The following CAPN13 variants were observed in gnomAD, a reference collection of about 807,000 sequenced individuals.
CAPN13 encodes calpain-13.
A neutral mutation model predicts 98.4 loss-of-function variants in CAPN13; 90 were observed. That is an observed-to-expected ratio of 0.92 (90% confidence interval 0.77 to 1.09). CAPN13 has a LOEUF of 1.09. Ranked by LOEUF, CAPN13 falls within the 50% of genes least tolerant of loss-of-function variation. The pLI is 0.00. For missense variants in CAPN13, 887 were observed against 841.3 expected (o/e 1.05, Z -0.67); for synonymous variants, 330 against 305.5 (o/e 1.08, Z -0.84).
chr2:30,756,361 A>G (rs1273483131), intron 8 of CAPN13, among the ~76,000 whole-genome samples: 2 of 152,034 alleles, frequency 1.3e-5, no homozygotes, highest in Admixed American at 1.3e-4. Flanking sequence ...GAAGTGAGTC[A>G]TACTTCCTCT....
Position 30,758,130 on chromosome 2 carries a change from T to C in CAPN13, c.782A>G (p.Tyr261Cys). The C allele has an allele frequency of 1.3e-6, 2 of 1,599,858 alleles. No homozygotes were observed. Among genetic ancestry groups the C allele is most frequent in the Admixed American group, 3.5e-5 (2 of 57,964 alleles). ...GATAATTTCTTCCCAGCCCCTTCGG[T>C]ATTGAATCTGTAAAGAAAACAGAAA... Reference protein sequence around the residue: ...YTVTGAEQIQYRRGWEEIISL... With the variant: ...YTVTGAEQIQCRRGWEEIISL... The change falls in exon 8 of 23, where the codon TAC (tyrosine) becomes TGC (cysteine). Residue 261 changes from tyrosine to cysteine, a missense_variant. Coordinates refer to ENST00000295055, the MANE Select transcript of CAPN13 (RefSeq NM_144575.3).
At chr2:30,801,604 T>TCAA (rs1342488498) in intron 1 of CAPN13, among the ~76,000 whole-genome samples, 4 of 80,018 alleles carry the variant, frequency 5.0e-5, no homozygotes, top group African/African-American at 1.7e-4. Flanking sequence ...GACTCAGTCT[T>TCAA]AAAAAAAAAA....
chr2:30,778,796 C>T lies in CAPN13; in HGVS notation c.199-1157G>A, dbSNP rs78613196. 3.4e-3 allele frequency among the ~76,000 whole-genome samples: 511 copies of T among 152,258 alleles called. 7 individuals carry two copies. Among genetic ancestry groups the T allele is most frequent in the East Asian group, 0.03 (157 of 5,158 alleles). ...ACAACTAACTGACCCCGTCACATGCCGGGAGGGGAACTCTCAGGCCCAGGC... is the reference window on the plus strand; with the variant it reads ...ACAACTAACTGACCCCGTCACATGCTGGGAGGGGAACTCTCAGGCCCAGGC... On this transcript the variant is annotated intron_variant, in intron 2 of 22. Transcript: ENST00000295055.
chr2:30,736,683 T>C (rs1246814432), intron 17 of CAPN13, 112 bp from the exon 18 acceptor site: 2 of 932,542 alleles, frequency 2.1e-6, no homozygotes, highest in South Asian at 1.4e-5. Flanking sequence ...AGCTGGTCCA[T>C]TGTCACCTGG....
chr2:30,806,374 A>G (rs1675624178), intron 1 of CAPN13: 1 of 151,546 alleles, frequency 6.6e-6, no homozygotes. Flanking sequence ...AAGCCTCCCT[A>G]CAGCTGTCAC....
intron 1 of CAPN13, among the ~76,000 whole-genome samples, chr2:30,788,437 C>T (rs377720016): frequency 1.3e-5 from 2 of 152,172 alleles, no homozygotes; most frequent in African/African-American, 4.8e-5. Context: ...AAATGTACCA[C>T]GTCCTCCATC....
intron 11 of CAPN13, among the ~76,000 whole-genome samples, chr2:30,747,576 A>G (rs964063470): frequency 2.0e-5 from 3 of 152,290 alleles, no homozygotes; most frequent in South Asian, 2.1e-4. Flanking sequence ...CTGCCTATTC[A>G]TATCCCATCA....
chr2:30,748,165 A>G (rs904933952), intron 11 of CAPN13, among the ~76,000 whole-genome samples: 1 of 152,178 alleles, frequency 6.6e-6, no homozygotes, highest in African/African-American at 2.4e-5. Context: ...TGTTTCTAGT[A>G]GGCCTCTTTG....
At chr2:30,744,739 G>A (rs1021777466) in intron 12 of CAPN13, among the ~76,000 whole-genome samples, 1 of 152,164 alleles carries the variant, frequency 6.6e-6, no homozygotes, top group Non-Finnish European at 1.5e-5. Flanking sequence ...CAACGTGGGG[G>A]TTCTTGGTCA....
intron 4 of CAPN13, among the ~76,000 whole-genome samples, chr2:30,773,247 T>G (rs1271290120): frequency 6.6e-6 from 1 of 152,212 alleles, no homozygotes; most frequent in Admixed American, 6.5e-5. Context: ...GAAACAATGT[T>G]TACAGACTTT....
chr2:30,745,330 GAGCATGC>G (rs1274151961), intron 12 of CAPN13: 1 of 490,170 alleles, frequency 2.0e-6, no homozygotes, highest in Non-Finnish European at 4.2e-6. Flanking sequence ...TGCATTTGGA[GAGCATGC>G]ATCCTGCTTA....
At chr2:30,774,073 G>A (rs4952005) in intron 4 of CAPN13, among the ~76,000 whole-genome samples, 85,868 of 151,808 alleles carry the variant, frequency 0.57, 25,047 homozygotes, top group East Asian at 0.68. Flanking sequence ...TTGAAAATCA[G>A]ATAAACTTTA....
intron 15 of CAPN13, among the ~76,000 whole-genome samples, chr2:30,741,062 C>T (rs904546720): frequency 1.6e-4 from 24 of 152,190 alleles, no homozygotes; most frequent in African/African-American, 5.8e-4. Flanking sequence ...CCGGCCTTGT[C>T]ATGCAGTGAG....
chr2:30,807,280 G>A (rs1159119559), intron 1 of CAPN13, 22 bp downstream of exon 1: 2 of 152,202 alleles, frequency 1.3e-5, no homozygotes, highest in Non-Finnish European at 2.9e-5. Context: ...ACAGCTCTGG[G>A]ACATGACCAC....
chr2:30,758,809 T>TTCCCTTCC (rs1553313144), intron 7 of CAPN13, among the ~76,000 whole-genome samples: 40 of 65,662 alleles, frequency 6.1e-4, no homozygotes, highest in South Asian at 2.1e-3. Context: ...CCTCCCTCCC[T>TTCCCTTCC]TCCCTTCCTC....
At chr2:30,770,163 C>T in intron 5 of CAPN13, 150 bp downstream of exon 5, 1 of 1,083,648 alleles carries the variant, frequency 9.2e-7, no homozygotes, top group African/African-American at 1.6e-5. Context: ...CCTGATGGCC[C>T]CAACATGGAC....
At chr2:30,805,747 C>CTTTTTTTTTTTTTTTTTTTTTTTTT (rs72100161) in intron 1 of CAPN13, among the ~76,000 whole-genome samples, 1 of 121,532 alleles carries the variant, frequency 8.2e-6, no homozygotes. Context: ...GTAGGTTGGT[C>CTTTTTTTTTTTTTTTTTTTTTTTTT]TTTTTTTTTT....
intron 8 of CAPN13, among the ~76,000 whole-genome samples, chr2:30,755,585 C>T (rs1558311521): frequency 6.6e-6 from 1 of 152,118 alleles, no homozygotes; most frequent in Non-Finnish European, 1.5e-5. Context: ...GGAGCAGCTG[C>T]TCCTTCAGTC....
chr2:30,772,116 C>T (rs1673441048), intron 4 of CAPN13, among the ~76,000 whole-genome samples: 2 of 152,160 alleles, frequency 1.3e-5, no homozygotes. Flanking sequence ...ACAAAGGGGA[C>T]ATCAGATAAG....
Sources: gnomAD v4.1 joint callset for allele counts (sites outside exome capture counted in the v4.1 genomes callset) on GRCh38, gnomAD v4.1.1 for gene constraint, MANE v1.5 for transcripts, NCBI Gene and HGNC (gene_info 2026-07-23, HGNC 2026-07-21) for gene names.